The following PLEKHF2 variants were observed in gnomAD, a reference collection of about 807,000 sequenced individuals.
PLEKHF2 encodes pleckstrin homology and FYVE domain containing 2.
In PLEKHF2, 4 loss-of-function variants were observed where a neutral mutation model predicts 14.7. The observed-to-expected ratio is 0.27, with a 90% confidence interval of 0.13 to 0.62. The LOEUF is 0.62. Ranked by LOEUF, PLEKHF2 falls within the 20% of genes least tolerant of loss-of-function variation. The pLI is 0.85. For missense variants in PLEKHF2, 201 were observed against 307.7 expected (o/e 0.65, Z 2.60); for synonymous variants, 90 against 103.5 (o/e 0.87, Z 0.79).
intron 1 of PLEKHF2, among the ~76,000 whole-genome samples, chr8:95,138,353 T>TCCCCCCCCC (rs61519066): frequency 5.6e-5 from 4 of 71,864 alleles, no homozygotes; most frequent in African/African-American, 8.0e-5. Flanking sequence ...TTCTTCATCT[T>TCCCCCCCCC]CCCCCCCCCC....
intron 1 of PLEKHF2, among the ~76,000 whole-genome samples, chr8:95,141,809 G>C (rs1810444037): frequency 6.6e-6 from 1 of 151,868 alleles, no homozygotes. Context: ...TAAAATGTTG[G>C]GGTTACAGGC....
Position 95,154,663 on chromosome 8 carries a change from T to C in PLEKHF2, c.619T>C (p.Cys207Arg). The C allele has an allele frequency of 6.2e-7, 1 of 1,614,192 alleles. No individual in the cohort carries two copies. Among genetic ancestry groups the C allele is most frequent in the Non-Finnish European group, 8.5e-7 (1 of 1,180,000 alleles). ...SSKPVRICDF[C>R]YDLLSAGDMA... is the part of the protein sequence containing the mutation. ...TAAGCCTGTGCGGATTTGTGACTTC[T>C]GCTATGACCTGCTTTCTGCTGGGGA... Residue 207 changes from cysteine to arginine, a missense_variant, in exon 2 of 2, where the codon TGC becomes CGC. Cys to Arg is a radical substitution (Grantham distance 180). Transcript: ENST00000315367. The surrounding 1 kb of genome is among the most constrained non-coding windows in gnomAD (Gnocchi z 5.6).
rs376944320 is a variant in PLEKHF2, at chr8:95,154,826, GCTAT to G, written c.*35_*38del. 235 of 1,595,824 alleles carry G rather than the reference GCTAT, an allele frequency of 1.5e-4. 2 individuals are homozygous for G. The South Asian group carries it at 1.5e-3, about 10-fold the overall frequency. On this transcript the variant is annotated 3_prime_UTR_variant, in exon 2 of 2. Coordinates refer to ENST00000315367, the MANE Select transcript of PLEKHF2 (RefSeq NM_024613.4). This position sits in a 1 kb window ranked among gnomAD's most constrained non-coding sequence, Gnocchi z 5.6. ...ATTTGGGAGTATTTAATCAGGTGTG[GCTAT>G]CTGAGAAATCAACTTTGGGGGAAAT...
rs868252988 is a variant in PLEKHF2 at position 95,150,597 on chromosome 8, C to A, written c.-14-3434C>A. On this transcript the variant is annotated intron_variant, in intron 1 of 1. Transcript: ENST00000315367. The stretch of plus-strand genomic sequence containing the variant: ...TTGCTTAAGTTGCATCATTATTAAA[C>A]AGGGAGAAAGATTTATGAACAAAGA... Among the ~76,000 whole-genome samples the A allele has an allele frequency of 2.6e-5, 4 of 152,180 alleles. 1 individual carries two copies. The highest frequency in any genetic ancestry group is 2.1e-4 in the South Asian group (1 of 4,824).
At chr8:95,141,644 G>A (rs1810441221) in intron 1 of PLEKHF2, among the ~76,000 whole-genome samples, 1 of 151,606 alleles carries the variant, frequency 6.6e-6, no homozygotes, top group African/African-American at 2.4e-5. Context: ...TCTTGCCTCA[G>A]CCTCCCAAGT....
chr8:95,134,951 T>G (rs1810360245), intron 1 of PLEKHF2, among the ~76,000 whole-genome samples: 1 of 152,190 alleles, frequency 6.6e-6, no homozygotes, highest in Non-Finnish European at 1.5e-5. Flanking sequence ...GTTTGAAGTT[T>G]TTTTCCCCTC....
chr8:95,135,632 G>A (rs146398699), intron 1 of PLEKHF2, among the ~76,000 whole-genome samples: 2 of 152,256 alleles, frequency 1.3e-5, no homozygotes, highest in African/African-American at 4.8e-5. Flanking sequence ...GCCAATTTCT[G>A]TTGTTCTTAA....
chr8:95,154,986 A>G lies in PLEKHF2; in HGVS notation c.*192A>G, dbSNP rs1810601062. 1.6e-6 allele frequency: 1 copy of G among 609,386 alleles called. No individual in the cohort carries two copies. The highest frequency in any genetic ancestry group is 2.6e-5 in the South Asian group (1 of 38,286). 37.7% of individuals were successfully genotyped at this position (609,386 alleles called of 1,614,324 possible). A position where few individuals can be genotyped will look rare whatever the true frequency, so the allele number is the denominator to read the frequency against. On this transcript the variant is annotated 3_prime_UTR_variant, in exon 2 of 2. Coordinates refer to ENST00000315367, the MANE Select transcript of PLEKHF2 (RefSeq NM_024613.4). This position sits in a 1 kb window ranked among gnomAD's most constrained non-coding sequence, Gnocchi z 5.6. ...CTTCTCCCACTCCTCACACTCTTCTACAGGGATAGGCTTTTGCAAATATAT... is the reference window on the plus strand; with the variant it reads ...CTTCTCCCACTCCTCACACTCTTCTGCAGGGATAGGCTTTTGCAAATATAT...
chr8:95,149,090 CTT>C (rs1434026941), intron 1 of PLEKHF2, among the ~76,000 whole-genome samples: 4 of 152,084 alleles, frequency 2.6e-5, no homozygotes, highest in Non-Finnish European at 5.9e-5. Flanking sequence ...AATATATAGT[CTT>C]TAAAATGCAA....
intron 1 of PLEKHF2, among the ~76,000 whole-genome samples, chr8:95,150,732 CCTTAT>C (rs752314547): frequency 6.6e-6 from 1 of 152,028 alleles, no homozygotes; most frequent in Non-Finnish European, 1.5e-5. Flanking sequence ...GGTAGTATTC[CCTTAT>C]CTTCAGTATT....
At chr8:95,146,112 CAAGT>C (rs1246513927) in intron 1 of PLEKHF2, among the ~76,000 whole-genome samples, 5 of 151,942 alleles carry the variant, frequency 3.3e-5, no homozygotes, top group African/African-American at 9.7e-5. Context: ...AACTTGTAGA[CAAGT>C]AAGTCTACAG....
chr8:95,144,194 G>T (rs977570736), intron 1 of PLEKHF2, among the ~76,000 whole-genome samples: 1 of 152,138 alleles, frequency 6.6e-6, no homozygotes, highest in African/African-American at 2.4e-5. Flanking sequence ...AGAACTTGAA[G>T]TCTATATTTG....
intron 1 of PLEKHF2, among the ~76,000 whole-genome samples, chr8:95,146,993 A>G (rs980928064): frequency 6.6e-6 from 1 of 152,070 alleles, no homozygotes; most frequent in Non-Finnish European, 1.5e-5. Flanking sequence ...CTGGGAGCCT[A>G]TTTAAAAAGT....
At chr8:95,152,636 G>A (rs1000416897) in intron 1 of PLEKHF2, among the ~76,000 whole-genome samples, 3 of 152,064 alleles carry the variant, frequency 2.0e-5, no homozygotes, top group Admixed American at 6.6e-5. Flanking sequence ...TTCCAGTTTG[G>A]AACCATGCAT....
intron 1 of PLEKHF2, among the ~76,000 whole-genome samples, chr8:95,143,759 G>A (rs935336469): frequency 6.6e-6 from 1 of 152,224 alleles, no homozygotes; most frequent in African/African-American, 2.4e-5. Flanking sequence ...ATTGCAGCAG[G>A]TTAGGACTTG....
intron 1 of PLEKHF2, among the ~76,000 whole-genome samples, chr8:95,149,429 G>A (rs527839182): frequency 2.0e-5 from 3 of 152,146 alleles, no homozygotes; most frequent in African/African-American, 7.2e-5. Context: ...GAAGAAAAGC[G>A]TAATACCCAG....
At position 95,143,388 on chromosome 8, in the gene PLEKHF2, C is replaced by T. The variant is rs189721386; in HGVS notation, c.-15+9358C>T. The stretch of plus-strand genomic sequence containing the variant: ...TGCTGGGATTACAGGCGTGGGACAC[C>T]GCGCCCGGCCTGGAAATAATCTTTT... On this transcript the variant is annotated intron_variant, in intron 1 of 1. Transcript: ENST00000315367. 7.2e-5 allele frequency among the ~76,000 whole-genome samples: 11 copies of T among 152,280 alleles called. No individual in the cohort carries two copies. In the East Asian group the frequency reaches 1.7e-3, roughly 24 times the overall value.
At chr8:95,136,372 AC>A (rs1307668005) in intron 1 of PLEKHF2, among the ~76,000 whole-genome samples, 2 of 144,042 alleles carry the variant, frequency 1.4e-5, no homozygotes, top group African/African-American at 5.4e-5. Flanking sequence ...ACACACACAC[AC>A]ATGTTTTGTT....
intron 1 of PLEKHF2, among the ~76,000 whole-genome samples, chr8:95,150,711 G>T (rs576405636): frequency 6.6e-6 from 1 of 152,254 alleles, no homozygotes; most frequent in East Asian, 1.9e-4. Context: ...CCTTTCAGGT[G>T]ATTTGTTCAA....
Sources: allele counts gnomAD v4.1 joint callset (sites outside exome capture counted in the v4.1 genomes callset), GRCh38; gene constraint gnomAD v4.1.1; non-coding constraint Gnocchi (gnomAD v3.1); transcripts MANE v1.5; gene names NCBI Gene and HGNC (gene_info 2026-07-23, HGNC 2026-07-21).